The following TEX9 variants were observed in gnomAD, a reference collection of about 807,000 sequenced individuals.
TEX9 encodes testis-expressed protein 9.
Under a neutral mutation model 59.6 loss-of-function variants are expected in TEX9, and 74 were observed. The ratio of observed to expected loss-of-function variants is 1.24; its 90% CI spans 1.03 to 1.51. TEX9 has a LOEUF of 1.51. Among genes scored for constraint, TEX9 ranks in the 40% most tolerant of loss-of-function variants. The pLI, the probability that TEX9 is intolerant of heterozygous loss-of-function variation, is 0.00. For missense variants in TEX9, 522 were observed against 447.8 expected, an observed-to-expected ratio of 1.17 and a Z score of -1.49; for synonymous variants, 186 against 152.2, an observed-to-expected ratio of 1.22 and a Z score of -1.64.
At chr15:56,391,502 T>A (rs980297279) in intron 7 of TEX9, 84 bp downstream of exon 7, 4 of 956,274 alleles carry the variant, frequency 4.2e-6, no homozygotes, top group Non-Finnish European at 5.9e-6. Context: ...TTCTTCCATT[T>A]AAAAAAATGT....
At chr15:56,316,856 A>G (rs1284327085) in intron 1 of TEX9, among the ~76,000 whole-genome samples, 2 of 152,160 alleles carry the variant, frequency 1.3e-5, no homozygotes, top group South Asian at 2.1e-4. Flanking sequence ...CTCGTGGTGC[A>G]TCGTTTTTTA....
At chr15:56,431,329 A>C (rs1400143081) in intron 12 of TEX9, 1 of 1,597,888 alleles carries the variant, frequency 6.3e-7, no homozygotes, top group South Asian at 1.1e-5. Flanking sequence ...TTTTTTCACT[A>C]TTACAGGTCA....
At chr15:56,412,657 T>C (rs561391222) in intron 10 of TEX9, among the ~76,000 whole-genome samples, 45 of 152,296 alleles carry the variant, frequency 3.0e-4, no homozygotes, top group African/African-American at 1.0e-3. Flanking sequence ...CTTTGGAAGA[T>C]TGATTTCTTC....
chr15:56,428,483 G>A (rs767230547), intron 12 of TEX9: 6 of 1,341,520 alleles, frequency 4.5e-6, no homozygotes, highest in Non-Finnish European at 5.3e-6. Context: ...AGTATGTGAT[G>A]GATACCCATT....
chr15:56,311,255 C>G, intron 1 of TEX9, among the ~76,000 whole-genome samples: 1 of 139,642 alleles, frequency 7.2e-6, no homozygotes, highest in South Asian at 2.5e-4. Context: ...AACTCGTCAT[C>G]TAGCATTAGG....
chr15:56,426,624 T>TACACAC (rs1276356879), intron 10 of TEX9, among the ~76,000 whole-genome samples: 14 of 41,576 alleles, frequency 3.4e-4, no homozygotes, highest in African/African-American at 7.8e-4. Flanking sequence ...TATATATATA[T>TACACAC]ATACACACAC....
intron 12 of TEX9, chr15:56,444,587 G>C (rs369951910): frequency 1.1e-5 from 18 of 1,612,292 alleles, no homozygotes; most frequent in Non-Finnish European, 1.5e-5. Context: ...CTTTCGCTTT[G>C]TTTCGTTTGT....
chr15:56,459,676 C>T, the TEX9 span, among the ~76,000 whole-genome samples: 1 of 151,752 alleles, frequency 6.6e-6, no homozygotes, highest in African/African-American at 2.4e-5. Flanking sequence ...CTAGAGGAGA[C>T]AAAGATTGGA....
chr15:56,343,697 C>G (rs754771626), intron 1 of TEX9, among the ~76,000 whole-genome samples: 3 of 151,982 alleles, frequency 2.0e-5, no homozygotes, highest in Non-Finnish European at 4.4e-5. Context: ...AAAAGACAAC[C>G]CACAGAGTCA....
chr15:56,409,149 T>C (rs1207025578), intron 9 of TEX9, among the ~76,000 whole-genome samples: 1 of 151,920 alleles, frequency 6.6e-6, no homozygotes, highest in Non-Finnish European at 1.5e-5. Context: ...TGAGCCGAGA[T>C]TGCACCACTG....
chr15:56,280,264 A>G, intron 1 of TEX9, among the ~76,000 whole-genome samples: 1 of 151,948 alleles, frequency 6.6e-6, no homozygotes, highest in East Asian at 1.9e-4. Flanking sequence ...CTCTCCACCC[A>G]CCCCACCCCC....
intron 10 of TEX9, among the ~76,000 whole-genome samples, chr15:56,421,931 G>C (rs1202741291): frequency 2.0e-5 from 3 of 151,502 alleles, no homozygotes; most frequent in African/African-American, 7.3e-5. Flanking sequence ...AAACATACGT[G>C]TGCATGTGTC....
upstream of TEX9, among the ~76,000 whole-genome samples, chr15:56,362,924 CTTCA>C (rs1436425812): frequency 1.1e-4 from 16 of 152,182 alleles, no homozygotes; most frequent in African/African-American, 3.6e-4. Context: ...TATACATGTA[CTTCA>C]TTCTTTCTCA....
intron 1 of TEX9, among the ~76,000 whole-genome samples, chr15:56,287,943 A>G (rs997354902): frequency 2.0e-5 from 3 of 152,176 alleles, no homozygotes; most frequent in Non-Finnish European, 4.4e-5. Context: ...AGGTAGATTC[A>G]ATATCTTGGC....
intron 1 of TEX9, among the ~76,000 whole-genome samples, chr15:56,247,526 T>C (rs1358906754): frequency 1.3e-5 from 2 of 152,086 alleles, no homozygotes; most frequent in Non-Finnish European, 2.9e-5. Context: ...AGCACTGGTG[T>C]GAAGCCATGA....
intron 1 of TEX9, among the ~76,000 whole-genome samples, chr15:56,328,242 C>T (rs569282146): frequency 9.9e-5 from 15 of 152,144 alleles, no homozygotes; most frequent in Non-Finnish European, 1.0e-4. Context: ...TGGGCCAAAA[C>T]GGAACCTGCT....
intron 1 of TEX9, among the ~76,000 whole-genome samples, chr15:56,253,483 G>T (rs563961790): frequency 6.6e-6 from 1 of 152,074 alleles, no homozygotes; most frequent in Non-Finnish European, 1.5e-5. Context: ...CTTTAAACAC[G>T]TATCCCTTCT....
chr15:56,244,212 C>T (rs1361417437), exon 1 of TEX9: 1 of 152,174 alleles, frequency 6.6e-6, no homozygotes, highest in Non-Finnish European at 1.5e-5. Context: ...TCAACATTAT[C>T]CCCCTTCCCC....
intron 1 of TEX9, among the ~76,000 whole-genome samples, chr15:56,279,056 A>G (rs1323385450): frequency 2.0e-5 from 3 of 152,142 alleles, no homozygotes; most frequent in Admixed American, 6.6e-5. Context: ...TTGGTTTGAT[A>G]TGACATTTTA....
Sources: gnomAD v4.1 joint callset for allele counts (sites outside exome capture counted in the v4.1 genomes callset) on GRCh38, gnomAD v4.1.1 for gene constraint, MANE v1.5 for transcripts, NCBI Gene and HGNC (gene_info 2026-07-23, HGNC 2026-07-21) for gene names.